Variants in MEIS2 observed in about 807,000 individuals in gnomAD.
The protein encoded by MEIS2 is Meis homeobox 2.
In MEIS2, 9 loss-of-function variants were observed where a neutral mutation model predicts 58.6. The ratio of observed to expected loss-of-function variants is 0.15; its 90% CI spans 0.09 to 0.27. MEIS2 has a LOEUF of 0.27. Among genes scored for constraint, MEIS2 ranks in the 10% least tolerant of loss-of-function variants. The probability of loss-of-function intolerance (pLI) is 1.00; values close to 1 mark genes in which losing one functional copy is unlikely to be tolerated. For synonymous variants in MEIS2, 221 were observed against 228.4 expected (o/e 0.97, Z 0.29); for missense variants, 427 against 635.0 (o/e 0.67, Z 3.52).
chr15:37,004,699 G>T (rs1277880622), intron 8 of MEIS2, among the ~76,000 whole-genome samples: 2 of 152,176 alleles, frequency 1.3e-5, no homozygotes, highest in Non-Finnish European at 2.9e-5. Flanking sequence ...CCCAGACTTG[G>T]TCAGACAAAG....
chr15:37,098,703 G>A (rs947313054), intron 1 of MEIS2, among the ~76,000 whole-genome samples: 30 of 152,104 alleles, frequency 2.0e-4, no homozygotes, highest in African/African-American at 7.0e-4. Context: ...GTGTGAGGAG[G>A]AAGCCCCGGA....
intron 7 of MEIS2, among the ~76,000 whole-genome samples, chr15:37,073,681 T>G (rs1002010912): frequency 6.6e-6 from 1 of 152,038 alleles, no homozygotes; most frequent in African/African-American, 2.4e-5. Context: ...TTTATCAACT[T>G]TTTTTCATCT....
intron 8 of MEIS2, among the ~76,000 whole-genome samples, chr15:36,996,028 TATATAC>T (rs1286552353): frequency 9.9e-6 from 1 of 101,356 alleles, no homozygotes; most frequent in African/African-American, 3.1e-5. Context: ...TATGTGTATA[TATATAC>T]ACACACACAC....
chr15:36,905,401 T>C (rs772406009), intron 9 of MEIS2, among the ~76,000 whole-genome samples: 7 of 152,126 alleles, frequency 4.6e-5, no homozygotes, highest in Non-Finnish European at 1.0e-4. Context: ...CAGAGATTTT[T>C]CTCACCCTCA....
chr15:36,942,442 A>C (rs2058409294), intron 9 of MEIS2, among the ~76,000 whole-genome samples: 1 of 152,148 alleles, frequency 6.6e-6, no homozygotes, highest in African/African-American at 2.4e-5. Flanking sequence ...TCCTGGAGTA[A>C]GCACCAGGAA....
intron 7 of MEIS2, among the ~76,000 whole-genome samples, chr15:37,066,779 AACTT>A (rs1204003499): frequency 1.3e-5 from 2 of 152,018 alleles, no homozygotes; most frequent in Admixed American, 1.3e-4. Flanking sequence ...AAGAGCAACT[AACTT>A]TATTTTTTGT....
intron 7 of MEIS2, among the ~76,000 whole-genome samples, chr15:37,070,870 AT>A (rs577500566): frequency 1.2e-4 from 18 of 151,966 alleles, no homozygotes; most frequent in African/African-American, 3.4e-4. Context: ...TCAAAGCTTT[AT>A]TTTTTTTAAA....
intron 8 of MEIS2, among the ~76,000 whole-genome samples, chr15:37,006,634 T>C (rs1595910496): frequency 6.6e-6 from 1 of 152,216 alleles, no homozygotes; most frequent in Non-Finnish European, 1.5e-5. Context: ...GCCAATGAAA[T>C]TTTTTCCTCA....
chr15:36,930,539 C>T (rs958144495), intron 9 of MEIS2, among the ~76,000 whole-genome samples: 4 of 152,154 alleles, frequency 2.6e-5, no homozygotes, highest in African/African-American at 9.7e-5. Context: ...ATTCCTCATT[C>T]CCATGTCCTC....
chr15:37,090,904 A>G (rs1893433949), intron 6 of MEIS2, among the ~76,000 whole-genome samples: 1 of 152,314 alleles, frequency 6.6e-6, no homozygotes, highest in Non-Finnish European at 1.5e-5. Context: ...CTCAGATCAG[A>G]ATAGTGGGCC....
intron 7 of MEIS2, among the ~76,000 whole-genome samples, chr15:37,046,027 C>T (rs551095212): frequency 2.0e-5 from 3 of 152,352 alleles, no homozygotes; most frequent in Admixed American, 2.0e-4. Context: ...TTCTCTTCAA[C>T]TTTTCAGGCG....
At chr15:36,978,915 A>G (rs1322177172) in intron 8 of MEIS2, among the ~76,000 whole-genome samples, 1 of 152,214 alleles carries the variant, frequency 6.6e-6, no homozygotes, top group Non-Finnish European at 1.5e-5. Context: ...CATCATAATC[A>G]ATATCTACTT....
chr15:37,078,062 T>G (rs554054198), intron 7 of MEIS2, among the ~76,000 whole-genome samples: 1 of 152,256 alleles, frequency 6.6e-6, no homozygotes, highest in South Asian at 2.1e-4. Flanking sequence ...CTTATGCTAA[T>G]GGGATCATGA....
chr15:36,971,461 C>A (rs572409460), intron 8 of MEIS2, among the ~76,000 whole-genome samples: 1 of 139,486 alleles, frequency 7.2e-6, no homozygotes, highest in African/African-American at 2.7e-5. Flanking sequence ...TAAATTTGGC[C>A]GTAAGAAACT....
intron 9 of MEIS2, among the ~76,000 whole-genome samples, chr15:36,947,893 G>T (rs140296994): frequency 4.6e-5 from 7 of 152,024 alleles, no homozygotes; most frequent in African/African-American, 1.7e-4. Context: ...CTGTTTTGAA[G>T]CTGACTTCAT....
chr15:36,937,023 C>T (rs56243803), intron 9 of MEIS2, among the ~76,000 whole-genome samples: 5,825 of 152,154 alleles, frequency 0.038, 252 homozygotes, highest in East Asian at 0.17. Context: ...TCAACACAAA[C>T]GGTGAACAAG....
At chr15:37,032,234 G>C (rs1397353194) in intron 8 of MEIS2, among the ~76,000 whole-genome samples, 4 of 152,160 alleles carry the variant, frequency 2.6e-5, no homozygotes, top group African/African-American at 4.8e-5. Context: ...GTATGAGCAA[G>C]TAGTGTCTTT....
upstream of MEIS2, chr15:37,100,761 CGA>C (rs1295880843): frequency 6.8e-6 from 1 of 147,580 alleles, no homozygotes; most frequent in East Asian, 2.0e-4. Flanking sequence ...CGCGCGCGCG[CGA>C]ACAGGGAGAG....
intron 8 of MEIS2, among the ~76,000 whole-genome samples, chr15:37,018,857 G>C (rs1277075709): frequency 6.6e-6 from 1 of 152,078 alleles, no homozygotes; most frequent in Non-Finnish European, 1.5e-5. Flanking sequence ...TTAAAAACAG[G>C]CCAGGGAATG....
Sources: gnomAD v4.1 joint callset for allele counts (sites outside exome capture counted in the v4.1 genomes callset) on GRCh38, gnomAD v4.1.1 for gene constraint, MANE v1.5 for transcripts, NCBI Gene and HGNC (gene_info 2026-07-23, HGNC 2026-07-21) for gene names.